The following IGFBP5 variants were observed in gnomAD, a reference collection of about 807,000 sequenced individuals.
IGFBP5 encodes insulin like growth factor binding protein 5.
In IGFBP5, 12 loss-of-function variants were observed where a neutral mutation model predicts 28.0. The observed-to-expected ratio is 0.43, with a 90% confidence interval of 0.27 to 0.69. The LOEUF is 0.69. Among genes scored for constraint, IGFBP5 ranks in the 30% least tolerant of loss-of-function variants. IGFBP5 has a pLI of 0.20. For missense variants in IGFBP5, 344 were observed against 381.6 expected, an observed-to-expected ratio of 0.90 and a Z score of 0.82; for synonymous variants, 152 against 150.2, an observed-to-expected ratio of 1.01 and a Z score of -0.09.
chr2:216,684,257 G>C (rs1297926780), intron 1 of IGFBP5, among the ~76,000 whole-genome samples: 1 of 152,158 alleles, frequency 6.6e-6, no homozygotes, highest in Non-Finnish European at 1.5e-5. Context: ...CTTGCTTGCT[G>C]GTCACAGCAA....
chr2:216,674,747 G>T lies in IGFBP5; in HGVS notation c.*2004C>A, dbSNP rs1364019400. The T allele has an allele frequency of 6.6e-6, 1 of 152,156 alleles. No individual in the cohort carries two copies. Among genetic ancestry groups the T allele is most frequent in the South Asian group, 2.1e-4 (1 of 4,818 alleles). The allele number at this position is 152,156 out of a possible 1,614,324, so 9.4% of individuals were successfully genotyped here. ...GAGTGACAGCATCCCTGAATCATGC[G>T]TTCCCTGCTTGTCCCAGCTTTCCTT... On this transcript the variant is annotated 3_prime_UTR_variant, in exon 4 of 4. Coordinates refer to ENST00000233813, the MANE Select transcript of IGFBP5 (RefSeq NM_000599.4). This position sits in a 1 kb window ranked among gnomAD's most constrained non-coding sequence, Gnocchi z 4.4.
At chr2:216,688,549 C>A (rs1350217273) in intron 1 of IGFBP5, among the ~76,000 whole-genome samples, 3 of 152,034 alleles carry the variant, frequency 2.0e-5, no homozygotes, top group African/African-American at 7.2e-5. Flanking sequence ...AAGTGCTGTT[C>A]TAAATGATCT....
chr2:216,681,055 A>G (rs2106219261), intron 1 of IGFBP5, among the ~76,000 whole-genome samples: 1 of 152,042 alleles, frequency 6.6e-6, no homozygotes, highest in African/African-American at 2.4e-5. Flanking sequence ...AGGAAGGGAG[A>G]AGCATGGCTG....
chr2:216,694,850 C>A lies in IGFBP5; in HGVS notation c.-75G>T, dbSNP rs1213757505. On this transcript the variant is annotated 5_prime_UTR_variant, in exon 1 of 4. Transcript: ENST00000233813. This position sits in a 1 kb window ranked among gnomAD's most constrained non-coding sequence, Gnocchi z 5.2. ...TGCAGGGATAAAGGGGCCAAGAGGG[C>A]CCCCGGAGATTTTTTTGTTTTTGTT... The A allele has an allele frequency of 9.6e-7, 1 of 1,037,518 alleles. No individual in the cohort carries two copies. The highest frequency in any genetic ancestry group is 1.3e-6 in the Non-Finnish European group (1 of 797,972). The allele number at this position is 1,037,518 out of a possible 1,614,324, so 64.3% of individuals were successfully genotyped here.
At position 216,673,259 on chromosome 2, in the gene IGFBP5, G is replaced by A. The variant is rs1286643393; in HGVS notation, c.*3492C>T. 6.6e-6 allele frequency: 1 copy of A among 152,636 alleles called. No homozygotes were observed. Among genetic ancestry groups the A allele is most frequent in the Admixed American group, 6.5e-5 (1 of 15,290 alleles). The allele number at this position is 152,636 out of a possible 1,614,324, so 9.5% of individuals were successfully genotyped here. The stretch of plus-strand genomic sequence containing the variant: ...GTGGGGGTACCATGGAGGCCACAGA[G>A]GTGGTGGTGGGGAGATGGGGTGGGA... On this transcript the variant is annotated 3_prime_UTR_variant, in exon 4 of 4. Transcript: ENST00000233813. The surrounding 1 kb of genome is among the most constrained non-coding windows in gnomAD (Gnocchi z 4.3).
rs1031161465 is a variant in IGFBP5 at position 216,694,828 on chromosome 2, A to T, written c.-53T>A. 8.2e-7 allele frequency: 1 copy of T among 1,222,474 alleles called. No individual in the cohort carries two copies. The highest frequency in any genetic ancestry group is 3.9e-5 in the Admixed American group (1 of 25,954). The allele number at this position is 1,222,474 out of a possible 1,614,324, so 75.7% of individuals were successfully genotyped here. A position where few individuals can be genotyped will look rare whatever the true frequency, so the allele number is the denominator to read the frequency against. ...GGGTGGGGCAGGAGAGCGAGAGTGC[A>T]GGGATAAAGGGGCCAAGAGGGCCCC... On this transcript the variant is annotated 5_prime_UTR_variant, in exon 1 of 4. Transcript: ENST00000233813. This position sits in a 1 kb window ranked among gnomAD's most constrained non-coding sequence, Gnocchi z 5.2.
intron 1 of IGFBP5, among the ~76,000 whole-genome samples, chr2:216,681,546 T>G (rs915316766): frequency 2.0e-5 from 3 of 152,092 alleles, no homozygotes; most frequent in Admixed American, 1.3e-4. Context: ...GTGGCTGGTG[T>G]AGCAGTTCCT....
At chr2:216,686,573 T>C (rs923226364) in intron 1 of IGFBP5, among the ~76,000 whole-genome samples, 2 of 151,708 alleles carry the variant, frequency 1.3e-5, no homozygotes, top group African/African-American at 2.4e-5. Flanking sequence ...GCCATGATTG[T>C]GCCACTGCAC....
Position 216,692,582 on chromosome 2 carries a change from G to A in IGFBP5, c.337+1857C>T, listed in dbSNP as rs11575132. ...TGTTACCCAGGGCGGTGGCTCCCAAGCCGGGAAATCAATTAATGTTTTCCT... is the reference window on the plus strand; with the variant it reads ...TGTTACCCAGGGCGGTGGCTCCCAAACCGGGAAATCAATTAATGTTTTCCT... On this transcript the variant is annotated intron_variant, in intron 1 of 3. Coordinates refer to ENST00000233813, the MANE Select transcript of IGFBP5 (RefSeq NM_000599.4). This position sits in a 1 kb window ranked among gnomAD's most constrained non-coding sequence, Gnocchi z 4.2. 1.4e-3 allele frequency among the ~76,000 whole-genome samples: 220 copies of A among 152,212 alleles called. 1 individual carries two copies. Among genetic ancestry groups the A allele is most frequent in the African/African-American group, 5.0e-3 (206 of 41,526 alleles).
rs1178562551 is a variant in IGFBP5, at chr2:216,692,347, T to C, written c.337+2092A>G. On this transcript the variant is annotated intron_variant, in intron 1 of 3. Transcript: ENST00000233813. The surrounding 1 kb of genome is among the most constrained non-coding windows in gnomAD (Gnocchi z 4.2). Reference sequence around the variant, plus strand: ...CAGGGAATTCTACAGGGGATCTTGCTTGGGACTGAAGTGTCGTGTGTGTGT... The same window carrying C: ...CAGGGAATTCTACAGGGGATCTTGCCTGGGACTGAAGTGTCGTGTGTGTGT... Among the ~76,000 whole-genome samples, 1 of 144,504 alleles carries C rather than the reference T, an allele frequency of 6.9e-6. No homozygotes were observed. Among genetic ancestry groups the C allele is most frequent in the Non-Finnish European group, 1.5e-5 (1 of 65,972 alleles). The allele number at this position is 144,504 out of a possible 152,430, so 94.8% of individuals were successfully genotyped here. A position where few individuals can be genotyped will look rare whatever the true frequency, so the allele number is the denominator to read the frequency against.
Position 216,672,274 on chromosome 2 carries a change from C to T in IGFBP5, c.*4477G>A, listed in dbSNP as rs987476578. 1.2e-4 allele frequency: 18 copies of T among 145,002 alleles called. No individual in the cohort carries two copies. Among genetic ancestry groups the T allele is most frequent in the African/African-American group, 3.1e-4 (12 of 38,992 alleles). The allele number at this position is 145,002 out of a possible 1,614,324, so 9.0% of individuals were successfully genotyped here. ...ATTTCCTTAAGTACAAAATGCTAAACGGGAGCCGAGCTCTTCCGCATTCAG... is the reference window on the plus strand; with the variant it reads ...ATTTCCTTAAGTACAAAATGCTAAATGGGAGCCGAGCTCTTCCGCATTCAG... On this transcript the variant is annotated 3_prime_UTR_variant, in exon 4 of 4. Coordinates refer to ENST00000233813, the MANE Select transcript of IGFBP5 (RefSeq NM_000599.4).
At chr2:216,685,713 T>G (rs969422129) in intron 1 of IGFBP5, among the ~76,000 whole-genome samples, 3 of 152,112 alleles carry the variant, frequency 2.0e-5, no homozygotes, top group Non-Finnish European at 2.9e-5. Flanking sequence ...TTTTCTGCGC[T>G]TGTGTGTGTG....
At chr2:216,685,868 AT>A (rs796954363) in intron 1 of IGFBP5, among the ~76,000 whole-genome samples, 23 of 150,874 alleles carry the variant, frequency 1.5e-4, no homozygotes, top group African/African-American at 4.4e-4. Context: ...CTCAGAAGAC[AT>A]TTTTTTTTGT....
chr2:216,694,903 G>A lies in IGFBP5; in HGVS notation c.-128C>T, dbSNP rs974381851. On this transcript the variant is annotated 5_prime_UTR_variant, in exon 1 of 4. Transcript: ENST00000233813. This position sits in a 1 kb window ranked among gnomAD's most constrained non-coding sequence, Gnocchi z 5.2. ...TGTTTTAAAATTTCTGGCAGGTAGA[G>A]CAGGTGCCCTCCCCCAGACACTTGC... The A allele has an allele frequency of 6.9e-5, 41 of 595,876 alleles. No homozygotes were observed. In the Admixed American group the frequency reaches 1.0e-3, roughly 15 times the overall value. The allele number at this position is 595,876 out of a possible 1,614,324, so 36.9% of individuals were successfully genotyped here. A position where few individuals can be genotyped will look rare whatever the true frequency, so the allele number is the denominator to read the frequency against.
chr2:216,694,892 T>C lies in IGFBP5; in HGVS notation c.-117A>G, dbSNP rs1162289978. On this transcript the variant is annotated 5_prime_UTR_variant, in exon 1 of 4. Transcript: ENST00000233813. The surrounding 1 kb of genome is among the most constrained non-coding windows in gnomAD (Gnocchi z 5.2). ...GTTTTTGTTTTTGTTTTAAAATTTCTGGCAGGTAGAGCAGGTGCCCTCCCC... is the reference window on the plus strand; with the variant it reads ...GTTTTTGTTTTTGTTTTAAAATTTCCGGCAGGTAGAGCAGGTGCCCTCCCC... 1.4e-6 allele frequency: 1 copy of C among 731,968 alleles called. No individual in the cohort carries two copies. The highest frequency in any genetic ancestry group is 1.8e-5 in the African/African-American group (1 of 54,328). 45.3% of individuals were successfully genotyped at this position (731,968 alleles called of 1,614,324 possible).
intron 1 of IGFBP5, among the ~76,000 whole-genome samples, chr2:216,689,757 G>C (rs975518134): frequency 2.0e-5 from 3 of 152,240 alleles, no homozygotes; most frequent in Non-Finnish European, 4.4e-5. Context: ...GACCTTGACT[G>C]TGATGATGGC....
At chr2:216,688,010 G>C (rs1400589191) in intron 1 of IGFBP5, among the ~76,000 whole-genome samples, 1 of 152,062 alleles carries the variant, frequency 6.6e-6, no homozygotes, top group Admixed American at 6.5e-5. Flanking sequence ...GACAGCAGTT[G>C]CCTTCTCAGG....
Position 216,679,147 on chromosome 2 carries a change from G to T in IGFBP5, c.338-68C>A. On this transcript the variant is annotated intron_variant, in intron 1 of 3. Transcript: ENST00000233813. This position sits in a 1 kb window ranked among gnomAD's most constrained non-coding sequence, Gnocchi z 4.6. ...GTGCACACGGCCAGAGCCCAGGGCT[G>T]GGCAGTTTGGGGTGAGGGGAGTAAT... 7.9e-7 allele frequency: 1 copy of T among 1,261,506 alleles called. No homozygotes were observed. The highest frequency in any genetic ancestry group is 1.2e-6 in the Non-Finnish European group (1 of 865,684). 78.1% of individuals were successfully genotyped at this position (1,261,506 alleles called of 1,614,324 possible). A position where few individuals can be genotyped will look rare whatever the true frequency, so the allele number is the denominator to read the frequency against.
chr2:216,687,880 T>C (rs1370564763), intron 1 of IGFBP5, among the ~76,000 whole-genome samples: 1 of 152,128 alleles, frequency 6.6e-6, no homozygotes, highest in African/African-American at 2.4e-5. Context: ...TACGCTTCTC[T>C]CCTGAGGCCC....
Sources: gnomAD v4.1 joint callset for allele counts (sites outside exome capture counted in the v4.1 genomes callset) on GRCh38, gnomAD v4.1.1 for gene constraint, Gnocchi (gnomAD v3.1) non-coding constraint, MANE v1.5 for transcripts, NCBI Gene and HGNC (gene_info 2026-07-23, HGNC 2026-07-21) for gene names.